Variants in SALL3 observed in about 807,000 individuals in gnomAD.
The protein encoded by SALL3 is sal-like protein 3.
SALL3 carries 25 observed loss-of-function variants against 66.2 expected under a neutral mutation model. That is an observed-to-expected ratio of 0.38 (90% confidence interval 0.28 to 0.53). SALL3 has a LOEUF of 0.53. SALL3 is among the 20% of genes least tolerant of loss of function. The pLI, the probability that SALL3 is intolerant of heterozygous loss-of-function variation, is 0.85. For synonymous variants in SALL3, 1,152 were observed against 899.1 expected (o/e 1.28, Z -5.03); for missense variants, 2,194 against 1,916.5 (o/e 1.14, Z -2.70).
In SALL3 at chr18:78,993,305, C is replaced by T; in HGVS notation, c.1314C>T (p.His438=). 3 of 1,612,064 alleles carry T rather than the reference C, an allele frequency of 1.9e-6. No individual in the cohort carries two copies. Among genetic ancestry groups the T allele is most frequent in the African/African-American group, 1.3e-5 (1 of 75,058 alleles). The change falls in exon 2 of 3, where the codon CAC becomes CAT. Residue 438 remains histidine, a synonymous_variant. Coordinates refer to ENST00000537592, the MANE Select transcript of SALL3 (RefSeq NM_171999.4). ...GCAGCGACAGCGCGCTCCAGATCCA[C>T]CTGCGCTCGCACACAGGCGAGCGGC... is the stretch of plus-strand genomic sequence containing the variant. ...VFGSDSALQI[H]LRSHTGERPF... is the part of the protein sequence containing the mutation.
Position 78,998,910 on chromosome 18 carries a change from A to G in SALL3, c.*1588A>G, listed in dbSNP as rs1267597232. On this transcript the variant is annotated 3_prime_UTR_variant, in exon 3 of 3. Transcript: ENST00000537592. ...CAAACACGGCGTCGTGAACTACCTC[A>G]TTTTCGTGCGTTGCAAGTGTGCTGG... 6.6e-6 allele frequency: 1 copy of G among 152,158 alleles called. No individual in the cohort carries two copies. The highest frequency in any genetic ancestry group is 1.5e-5 in the Non-Finnish European group (1 of 68,044). 9.4% of individuals were successfully genotyped at this position (152,158 alleles called of 1,614,324 possible). A position where few individuals can be genotyped will look rare whatever the true frequency, so the allele number is the denominator to read the frequency against.
rs373377315 is a variant in SALL3, at chr18:78,996,885, G to T, written c.3472-6G>T. 15 of 1,600,030 alleles carry T rather than the reference G, an allele frequency of 9.4e-6. No homozygotes were observed. The African/African-American group carries it at 1.6e-4, about 17-fold the overall frequency. On this transcript the variant is annotated splice_region_variant and splice_polypyrimidine_tract_variant and intron_variant, in intron 2 of 2. Transcript: ENST00000537592. The stretch of plus-strand genomic sequence containing the variant: ...TACTCGTGGGCTGTCTCCGTGTCTC[G>T]CGCAGGTGCACATGGGGACACACAT...
In SALL3 at chr18:78,994,760, C is replaced by T; in HGVS notation, c.2769C>T (p.Gly923=). The T allele has an allele frequency of 1.9e-6, 3 of 1,600,258 alleles. No homozygotes were observed. The highest frequency in any genetic ancestry group is 1.7e-6 in the Non-Finnish European group (2 of 1,177,716). The part of the protein sequence containing the change: ...ESFRSKSPGL[G]APEEPQEIPL... ...TCCGCTCCAAGTCCCCGGGCCTGGG[C>T]GCCCCGGAGGAGCCCCAGGAAATCC... Residue 923 remains glycine, a synonymous_variant, in exon 2 of 3, where the codon GGC becomes GGT. Coordinates refer to ENST00000537592, the MANE Select transcript of SALL3 (RefSeq NM_171999.4).
chr18:78,992,463 G>A lies in SALL3; in HGVS notation c.472G>A (p.Ala158Thr), dbSNP rs1914476190. Residue 158 changes from alanine (A) to threonine (T), a missense_variant, in exon 2 of 3, where the codon GCC becomes ACC. Transcript: ENST00000537592. ...PPAAPAPPTP[A>T]YGAPSTNVTL... ...TGCGGCCCCTGCACCCCCAACGCCC[G>A]CCTACGGCGCGCCCAGCACCAACGT... The A allele has an allele frequency of 2.1e-6, 3 of 1,439,528 alleles. No homozygotes were observed. The highest frequency in any genetic ancestry group is 2.7e-6 in the Non-Finnish European group (3 of 1,101,044). 89.2% of individuals were successfully genotyped at this position (1,439,528 alleles called of 1,614,324 possible). A position where few individuals can be genotyped will look rare whatever the true frequency, so the allele number is the denominator to read the frequency against.
chr18:78,994,883 G>A lies in SALL3; in HGVS notation c.2892G>A (p.Leu964=). The part of the protein sequence containing the change: ...AGIKEEAPFS[L]LFLSRERGKC... The stretch of plus-strand genomic sequence containing the variant: ...TCAAGGAGGAGGCGCCCTTCAGCCT[G>A]CTGTTCCTGAGCAGGGAGCGGGGTA... Residue 964 remains leucine, a synonymous_variant, in exon 2 of 3, where the codon CTG becomes CTA. Coordinates refer to ENST00000537592, the MANE Select transcript of SALL3 (RefSeq NM_171999.4). 6.2e-7 allele frequency: 1 copy of A among 1,610,626 alleles called. No homozygotes were observed. The highest frequency in any genetic ancestry group is 8.5e-7 in the Non-Finnish European group (1 of 1,178,718).
Position 78,995,115 on chromosome 18 carries a change from G to T in SALL3, c.3124G>T (p.Ala1042Ser). The change falls in exon 2 of 3, where the codon GCT becomes TCT. Residue 1042 changes from alanine to serine, a missense_variant. Coordinates refer to ENST00000537592, the MANE Select transcript of SALL3 (RefSeq NM_171999.4). ...LPSQLFDPNFALGPSQSTPSL... is the reference protein window; with the variant it reads ...LPSQLFDPNFSLGPSQSTPSL... ...TTCTCAGTTATTTGACCCCAACTTTGCTCTAGGTCCCAGCCAAAGCACTCC... is the reference window on the plus strand; with the variant it reads ...TTCTCAGTTATTTGACCCCAACTTTTCTCTAGGTCCCAGCCAAAGCACTCC... 6.2e-7 allele frequency: 1 copy of T among 1,613,830 alleles called. No individual in the cohort carries two copies. Among genetic ancestry groups the T allele is most frequent in the Non-Finnish European group, 8.5e-7 (1 of 1,180,038 alleles).
Position 78,993,445 on chromosome 18 carries a change from C to G in SALL3, c.1454C>G (p.Pro485Arg), listed in dbSNP as rs1914546806. The G allele has an allele frequency of 6.2e-7, 1 of 1,612,934 alleles. No homozygotes were observed. Among genetic ancestry groups the G allele is most frequent in the South Asian group, 1.1e-5 (1 of 91,090 alleles). The change falls in exon 2 of 3, where the codon CCC becomes CGC. Residue 485 changes from proline (P) to arginine (R), a missense_variant. By Grantham distance (103) the Pro-to-Arg change is moderately radical (BLOSUM62 -2). Coordinates refer to ENST00000537592, the MANE Select transcript of SALL3 (RefSeq NM_171999.4). The part of the protein sequence containing the change: ...PHIQMNPYPV[P>R]EYLDNVPTCS... Reference sequence around the variant, plus strand: ...ATCCAGATGAACCCTTACCCGGTCCCCGAGTACCTGGACAACGTGCCCACC... The same window carrying G: ...ATCCAGATGAACCCTTACCCGGTCCGCGAGTACCTGGACAACGTGCCCACC...
chr18:78,991,287 A>G (rs934992024), intron 1 of SALL3, among the ~76,000 whole-genome samples: 2 of 148,844 alleles, frequency 1.3e-5, no homozygotes, highest in African/African-American at 4.9e-5. Flanking sequence ...GAGCCAATTA[A>G]TTGTATTACA....
intron 2 of SALL3, among the ~76,000 whole-genome samples, chr18:78,995,904 G>C (rs1454580168): frequency 6.6e-6 from 1 of 152,210 alleles, no homozygotes; most frequent in Non-Finnish European, 1.5e-5. Flanking sequence ...AACACGTGCA[G>C]CTGGGCCTCT....
At position 78,994,008 on chromosome 18, in the gene SALL3, A is replaced by G. The variant is rs773677029; in HGVS notation, c.2017A>G (p.Lys673Glu). Residue 673 changes from lysine to glutamate, a missense_variant, in exon 2 of 3, where the codon AAG becomes GAG. Transcript: ENST00000537592. ...KLQQLVENIDKKMTDPNQCVI... is the reference protein window; with the variant it reads ...KLQQLVENIDEKMTDPNQCVI... ...GCAGCAGCTGGTGGAGAACATCGAC[A>G]AGAAGATGACGGACCCGAACCAGTG... is the stretch of plus-strand genomic sequence containing the variant. 1 of 1,612,526 alleles carries G rather than the reference A, an allele frequency of 6.2e-7. No individual in the cohort carries two copies. The highest frequency in any genetic ancestry group is 1.7e-5 in the Admixed American group (1 of 59,980).
At position 78,995,275 on chromosome 18, in the gene SALL3, G is replaced by C. The variant is rs766729716; in HGVS notation, c.3284G>C (p.Gly1095Ala). 1 of 1,588,796 alleles carries C rather than the reference G, an allele frequency of 6.3e-7. No individual in the cohort carries two copies. The highest frequency in any genetic ancestry group is 1.7e-5 in the Admixed American group (1 of 57,974). The change falls in exon 2 of 3, where the codon GGC becomes GCC. Residue 1095 changes from glycine (G) to alanine (A), a missense_variant. Gly to Ala is a moderately conservative substitution (Grantham distance 60). Transcript: ENST00000537592. The part of the protein sequence containing the change: ...QVPAGPQTVM[G>A]PGLAPMLAPP... ...CCCGCCGGGCCTCAGACAGTGATGG[G>C]CCCGGGCCTGGCGCCCATGCTGGCC...
Position 78,992,993 on chromosome 18 carries a change from G to T in SALL3, c.1002G>T (p.Ser334=), listed in dbSNP as rs763906287. The T allele has an allele frequency of 3.4e-6, 5 of 1,453,084 alleles. No homozygotes were observed. Among genetic ancestry groups the T allele is most frequent in the Middle Eastern group, 2.5e-4 (1 of 3,966 alleles). The allele number at this position is 1,453,084 out of a possible 1,614,324, so 90.0% of individuals were successfully genotyped here. A position where few individuals can be genotyped will look rare whatever the true frequency, so the allele number is the denominator to read the frequency against. Residue 334 remains serine, a synonymous_variant, in exon 2 of 3, where the codon TCG becomes TCT. Coordinates refer to ENST00000537592, the MANE Select transcript of SALL3 (RefSeq NM_171999.4). The part of the protein sequence containing the change: ...APAPAPQSAA[S]SQPQSASTPP... ...CGCCAGCGCCGCAGAGCGCAGCCTCGTCGCAGCCGCAGAGCGCATCCACGC... is the reference window on the plus strand; with the variant it reads ...CGCCAGCGCCGCAGAGCGCAGCCTCTTCGCAGCCGCAGAGCGCATCCACGC...
Position 78,993,356 on chromosome 18 carries a change from C to G in SALL3, c.1365C>G (p.Asn455Lys). The change falls in exon 2 of 3, where the codon AAC becomes AAG. Residue 455 changes from asparagine to lysine, a missense_variant. Asn to Lys is a moderately conservative substitution (Grantham distance 94). Transcript: ENST00000537592. ...CCTTCAAGTGCAACATCTGCGGGAA[C>G]CGCTTCTCCACCAAAGGCAACCTGA... Reference protein sequence around the residue: ...ERPFKCNICGNRFSTKGNLKV... With the variant: ...ERPFKCNICGKRFSTKGNLKV... 6.2e-7 allele frequency: 1 copy of G among 1,612,532 alleles called. No homozygotes were observed. The highest frequency in any genetic ancestry group is 8.5e-7 in the Non-Finnish European group (1 of 1,179,834).
Position 78,997,530 on chromosome 18 carries a change from A to G in SALL3, c.*208A>G. 1.8e-6 allele frequency: 1 copy of G among 547,988 alleles called. No homozygotes were observed. The highest frequency in any genetic ancestry group is 3.2e-6 in the Non-Finnish European group (1 of 315,906). 33.9% of individuals were successfully genotyped at this position (547,988 alleles called of 1,614,324 possible). ...TTCTCGAGAACTCTGCAATCTTTTA[A>G]ATAAGCTTCCTTCAAAAAAAAAAGT... On this transcript the variant is annotated 3_prime_UTR_variant, in exon 3 of 3. Coordinates refer to ENST00000537592, the MANE Select transcript of SALL3 (RefSeq NM_171999.4).
In SALL3 at chr18:78,992,876, C is replaced by G. The variant is rs1914505887; in HGVS notation, c.885C>G (p.Pro295=). Residue 295 remains proline, a synonymous_variant, in exon 2 of 3, where the codon CCC becomes CCG. Coordinates refer to ENST00000537592, the MANE Select transcript of SALL3 (RefSeq NM_171999.4). ...AGGGCGCGCAGCCGCTGTCCCGGCCCGAGTCTGGCGCCAGCACCCCCGGCG... is the reference window on the plus strand; with the variant it reads ...AGGGCGCGCAGCCGCTGTCCCGGCCGGAGTCTGGCGCCAGCACCCCCGGCG... ...AFEGAQPLSR[P]ESGASTPGGP... is the part of the protein sequence containing the mutation. 1 of 985,682 alleles carries G rather than the reference C, an allele frequency of 1.0e-6. No homozygotes were observed. Among genetic ancestry groups the G allele is most frequent in the Non-Finnish European group, 1.2e-6 (1 of 831,918 alleles). The allele number at this position is 985,682 out of a possible 1,614,324, so 61.1% of individuals were successfully genotyped here. A position where few individuals can be genotyped will look rare whatever the true frequency, so the allele number is the denominator to read the frequency against.
At chr18:78,988,266 A>G (rs72985669) in intron 1 of SALL3, among the ~76,000 whole-genome samples, 194 of 152,358 alleles carry the variant, frequency 1.3e-3, no homozygotes, top group Non-Finnish European at 1.9e-3. Context: ...AAAATTGTGG[A>G]CTAAATGCAG....
chr18:78,988,657 C>T (rs1384832834), intron 1 of SALL3, among the ~76,000 whole-genome samples: 1 of 152,070 alleles, frequency 6.6e-6, no homozygotes, highest in African/African-American at 2.4e-5. Flanking sequence ...TTCTTTTATT[C>T]GGGGCTATGT....
chr18:78,990,147 G>A (rs1328694789), intron 1 of SALL3, among the ~76,000 whole-genome samples: 1 of 152,146 alleles, frequency 6.6e-6, no homozygotes, highest in African/African-American at 2.4e-5. Context: ...TTGAGTACTT[G>A]GAGTATTTAT....
Position 78,989,625 on chromosome 18 carries a change from C to T in SALL3, c.83-2449C>T, listed in dbSNP as rs192679403. 1.6e-4 allele frequency among the ~76,000 whole-genome samples: 24 copies of T among 152,270 alleles called. No homozygotes were observed. In the East Asian group the frequency reaches 4.0e-3, roughly 26 times the overall value. On this transcript the variant is annotated intron_variant, in intron 1 of 2. Coordinates refer to ENST00000537592, the MANE Select transcript of SALL3 (RefSeq NM_171999.4). ...TTAATAAGATACACACTTTGTAAAA[C>T]TGTAACTATATATACTACCTGAATG...
Sources: gnomAD v4.1 joint callset for allele counts (sites outside exome capture counted in the v4.1 genomes callset) on GRCh38, gnomAD v4.1.1 for gene constraint, MANE v1.5 for transcripts, NCBI Gene and HGNC (gene_info 2026-07-23, HGNC 2026-07-21) for gene names.